CPEB4: variants seen among roughly 807,000 people sequenced by gnomAD.
The protein encoded by CPEB4 is cytoplasmic polyadenylation element-binding protein 4.
CPEB4 carries 12 observed loss-of-function variants against 72.5 expected under a neutral mutation model. The observed-to-expected ratio is 0.17, with a 90% confidence interval of 0.11 to 0.27. The LOEUF (loss-of-function observed/expected upper bound fraction) is 0.27, where lower values mean the gene tolerates loss of function less well. Among genes scored for constraint, CPEB4 ranks in the 10% least tolerant of loss-of-function variants. The pLI, the probability that CPEB4 is intolerant of heterozygous loss-of-function variation, is 1.00. For synonymous variants in CPEB4, 302 were observed against 326.3 expected, an observed-to-expected ratio of 0.93 and a Z score of 0.80; for missense variants, 614 against 908.5, an observed-to-expected ratio of 0.68 and a Z score of 4.17.
chr5:173,919,037 A>AT (rs1206120234), intron 2 of CPEB4, among the ~76,000 whole-genome samples: 1 of 152,172 alleles, frequency 6.6e-6, no homozygotes, highest in East Asian at 1.9e-4. Flanking sequence ...CATTTAAAAG[A>AT]TTTTTTTAAT....
At chr5:173,946,391 G>A (rs940574219) in intron 5 of CPEB4, among the ~76,000 whole-genome samples, 8 of 152,156 alleles carry the variant, frequency 5.3e-5, no homozygotes, top group African/African-American at 1.9e-4. Flanking sequence ...AATGAACTTT[G>A]TACCTGAAGC....
chr5:173,943,396 A>T (rs575817802), intron 4 of CPEB4, among the ~76,000 whole-genome samples: 10 of 152,340 alleles, frequency 6.6e-5, no homozygotes, highest in African/African-American at 2.4e-4. Context: ...TAGTGACACT[A>T]GTCCCAAAAT....
At position 173,943,096 on chromosome 5, in the gene CPEB4, G is replaced by A. The variant is rs371038561; in HGVS notation, c.1282+47G>A. 3.3e-5 allele frequency: 53 copies of A among 1,583,100 alleles called. No homozygotes were observed. The South Asian group carries it at 5.4e-4, about 16-fold the overall frequency. On this transcript the variant is annotated intron_variant, in intron 4 of 9. Coordinates refer to ENST00000265085, the MANE Select transcript of CPEB4 (RefSeq NM_030627.4). ...AAATGTATCACTTGTATTTGGAGAC[G>A]ACCCAAGCTTGTTTAATTTCTAACC...
rs1038895504 is a variant in CPEB4 at position 173,955,428 on chromosome 5, C to G, written c.1963-482C>G. 6.6e-6 allele frequency among the ~76,000 whole-genome samples: 1 copy of G among 151,732 alleles called. No individual in the cohort carries two copies. The highest frequency in any genetic ancestry group is 1.9e-4 in the East Asian group (1 of 5,184). Reference sequence around the variant, plus strand: ...TAGAAACCACGAGCCAGGCTTTTTACGACAGCTCAGAATCTTGTGACGCAG... The same window carrying G: ...TAGAAACCACGAGCCAGGCTTTTTAGGACAGCTCAGAATCTTGTGACGCAG... On this transcript the variant is annotated intron_variant, in intron 9 of 9. Coordinates refer to ENST00000265085, the MANE Select transcript of CPEB4 (RefSeq NM_030627.4). The surrounding 1 kb of genome is among the most constrained non-coding windows in gnomAD (Gnocchi z 4.7).
At chr5:173,898,786 C>T (rs1045999458) in intron 1 of CPEB4, among the ~76,000 whole-genome samples, 2 of 152,196 alleles carry the variant, frequency 1.3e-5, no homozygotes, top group Non-Finnish European at 2.9e-5. Flanking sequence ...AAGCAATTCT[C>T]GTGCCTCAGC....
Position 173,957,660 on chromosome 5 carries a change from T to A in CPEB4, c.*1523T>A, listed in dbSNP as rs1976074. Reference sequence around the variant, plus strand: ...AAATGCCCTATCCATCATTAAAAGGTTTATTATCAGTGGGCAAAACATGAA... The same window carrying A: ...AAATGCCCTATCCATCATTAAAAGGATTATTATCAGTGGGCAAAACATGAA... On this transcript the variant is annotated 3_prime_UTR_variant, in exon 10 of 10. Coordinates refer to ENST00000265085, the MANE Select transcript of CPEB4 (RefSeq NM_030627.4). The A allele has an allele frequency of 0.22, 33,974 of 152,722 alleles. 4,996 individuals carry two copies. The highest frequency in any genetic ancestry group is 0.3 in the Non-Finnish European group (20,730 of 67,970). 9.5% of individuals were successfully genotyped at this position (152,722 alleles called of 1,614,324 possible). A position where few individuals can be genotyped will look rare whatever the true frequency, so the allele number is the denominator to read the frequency against.
In CPEB4 at chr5:173,943,025, G is replaced by A; in HGVS notation, c.1259-1G>A. On this transcript the variant is annotated splice_acceptor_variant, in intron 3 of 9. Transcript: ENST00000265085. LOFTEE classifies it high-confidence loss of function. ...TTGTTTTTTTCTCATTTGACATGCA[G>A]CAAGGACATATGGGCGAAGGAGAGG... is the stretch of plus-strand genomic sequence containing the variant. The A allele has an allele frequency of 6.2e-7, 1 of 1,610,482 alleles. No homozygotes were observed. The highest frequency in any genetic ancestry group is 1.1e-5 in the South Asian group (1 of 90,434).
chr5:173,904,329 A>G (rs778511506), intron 1 of CPEB4, among the ~76,000 whole-genome samples: 1 of 152,220 alleles, frequency 6.6e-6, no homozygotes, highest in Non-Finnish European at 1.5e-5. Context: ...TGCTGATAGT[A>G]ATCCTATTAG....
At chr5:173,910,650 A>G (rs1756623713) in intron 2 of CPEB4, 46 bp downstream of exon 2, 5 of 1,207,928 alleles carry the variant, frequency 4.1e-6, no homozygotes, top group Non-Finnish European at 6.2e-6. Context: ...ATAGTTTTAA[A>G]TGTGTATTAA....
At chr5:173,894,370 C>G (rs534644855) in intron 1 of CPEB4, among the ~76,000 whole-genome samples, 48 of 152,128 alleles carry the variant, frequency 3.2e-4, no homozygotes, top group African/African-American at 1.1e-3. Flanking sequence ...CCTGTAATCC[C>G]AGCACTTTGG....
intron 1 of CPEB4, chr5:173,891,554 G>GT (rs1199418326): frequency 6.6e-6 from 1 of 151,962 alleles, no homozygotes; most frequent in African/African-American, 2.4e-5. Flanking sequence ...CCTTTCACCC[G>GT]TTTGTTTATT....
chr5:173,932,287 TC>T (rs1157203917), intron 2 of CPEB4, among the ~76,000 whole-genome samples, 162 bp from the exon 3 acceptor site: 3 of 152,250 alleles, frequency 2.0e-5, no homozygotes, highest in Non-Finnish European at 4.4e-5. Context: ...TTTCCTACTT[TC>T]AAACTTTTCC....
intron 3 of CPEB4, among the ~76,000 whole-genome samples, chr5:173,938,389 C>G (rs1336970682): frequency 2.0e-5 from 3 of 152,144 alleles, no homozygotes; most frequent in African/African-American, 4.8e-5. Context: ...CCACACCCAG[C>G]TAATTTTTAT....
intron 2 of CPEB4, among the ~76,000 whole-genome samples, chr5:173,920,513 C>T (rs375667064): frequency 2.0e-5 from 3 of 152,168 alleles, no homozygotes; most frequent in African/African-American, 7.2e-5. Flanking sequence ...TTGTAATGAT[C>T]GGAAGTTGTT....
chr5:173,929,717 A>G (rs1757372656), intron 2 of CPEB4, among the ~76,000 whole-genome samples: 3 of 152,064 alleles, frequency 2.0e-5, no homozygotes, highest in Admixed American at 2.0e-4. Flanking sequence ...AATAATAATA[A>G]TAATAGTCCT....
chr5:173,939,577 A>T (rs1035195110), intron 3 of CPEB4, among the ~76,000 whole-genome samples: 2 of 152,194 alleles, frequency 1.3e-5, no homozygotes, highest in African/African-American at 4.8e-5. Context: ...GTCTGGCATT[A>T]CAGATTAATG....
At chr5:173,945,912 A>G (rs949951042) in intron 5 of CPEB4, among the ~76,000 whole-genome samples, 3 of 152,224 alleles carry the variant, frequency 2.0e-5, no homozygotes, top group Non-Finnish European at 2.9e-5. Context: ...ATAAAAATCA[A>G]AGTAGCAGAC....
intron 8 of CPEB4, 38 bp downstream of exon 8, chr5:173,951,976 C>T (rs202067117): frequency 1.2e-5 from 16 of 1,312,274 alleles, no homozygotes; most frequent in East Asian, 9.2e-5. Context: ...TACCCTATAG[C>T]GCAAGAAATA....
rs553998136 is a variant in CPEB4, at chr5:173,954,415, C to A, written c.1962+1143C>A. Among the ~76,000 whole-genome samples the A allele has an allele frequency of 9.8e-5, 15 of 152,322 alleles. No homozygotes were observed. In the South Asian group the frequency reaches 3.1e-3, roughly 32 times the overall value. On this transcript the variant is annotated intron_variant, in intron 9 of 9. Transcript: ENST00000265085. ...TGAGATGGAGTCTCTCTCCGTCACC[C>A]AGGCTGGAGTGCAGTGGTACAGTCT...
Sources: gnomAD v4.1 joint callset for allele counts (sites outside exome capture counted in the v4.1 genomes callset) on GRCh38, gnomAD v4.1.1 for gene constraint, Gnocchi (gnomAD v3.1) non-coding constraint, MANE v1.5 for transcripts, NCBI Gene and HGNC (gene_info 2026-07-23, HGNC 2026-07-21) for gene names.